Variants in CEP104 observed in about 807,000 individuals in gnomAD.
The protein encoded by CEP104 is centrosomal protein 104, also known as centrosomal protein of 104 kDa.
CEP104 carries 84 observed loss-of-function variants against 113.3 expected under a neutral mutation model. The ratio of observed to expected loss-of-function variants is 0.74; its 90% confidence interval spans 0.62 to 0.89. CEP104 has a LOEUF of 0.89. Among genes scored for constraint, CEP104 ranks in the 40% least tolerant of loss-of-function variants. The probability of loss-of-function intolerance (pLI) is 0.00; values close to 1 mark genes in which losing one functional copy is unlikely to be tolerated. For synonymous variants in CEP104, 378 were observed against 421.7 expected (o/e 0.90, Z 1.27); for missense variants, 1,053 against 1,156.6 (o/e 0.91, Z 1.30).
intron 9 of CEP104, 118 bp downstream of exon 9, chr1:3,837,174 G>A (rs1397760987): frequency 2.6e-5 from 20 of 760,130 alleles, no homozygotes; most frequent in Non-Finnish European, 4.0e-5. Context: ...TGGAACAGAG[G>A]TGGGTCTGGC....
In CEP104 at chr1:3,815,207, G is replaced by C. The variant is rs916584744; in HGVS notation, c.*195C>G. 4.1e-5 allele frequency: 24 copies of C among 586,640 alleles called. No individual in the cohort carries two copies. The highest frequency in any genetic ancestry group is 6.4e-5 in the Non-Finnish European group (21 of 326,676). 36.3% of individuals were successfully genotyped at this position (586,640 alleles called of 1,614,324 possible). ...CGGCCAGGTCCTGGCACTGCACGCA[G>C]GATCTTTGGTTAGCTGCATCCATAT... On this transcript the variant is annotated 3_prime_UTR_variant, in exon 22 of 22. Transcript: ENST00000378230.
At chr1:3,836,405 C>CCTTTATGTGTAAGTACACAGAG (rs1313065002) in intron 10 of CEP104, 90 bp downstream of exon 10, 2 of 1,361,148 alleles carry the variant, frequency 1.5e-6, no homozygotes, top group Non-Finnish European at 2.0e-6. Context: ...CGTTTTCCCT[C>CCTTTATGTGTAAGTACACAGAG]CTTTATGTGT....
chr1:3,816,800 T>C (rs1240755454), intron 20 of CEP104, among the ~76,000 whole-genome samples: 2 of 152,248 alleles, frequency 1.3e-5, no homozygotes, highest in Admixed American at 6.5e-5. Flanking sequence ...GTTCCCACTC[T>C]CTTCATCCCT....
intron 6 of CEP104, among the ~76,000 whole-genome samples, chr1:3,842,835 T>C (rs1644437353): frequency 6.6e-6 from 1 of 152,218 alleles, no homozygotes; most frequent in African/African-American, 2.4e-5. Context: ...TCCCCCAGAC[T>C]GTAGTGCAGT....
intron 4 of CEP104, 43 bp from the exon 5 acceptor site, chr1:3,845,394 G>T: frequency 7.3e-7 from 1 of 1,362,156 alleles, no homozygotes; most frequent in Non-Finnish European, 1.0e-6. Flanking sequence ...TACAATGTTT[G>T]AAATGACTTA....
rs187875011 is a variant in CEP104 at position 3,813,991 on chromosome 1, A to C, written c.*1411T>G. 3 of 152,320 alleles carry C rather than the reference A, an allele frequency of 2.0e-5. No homozygotes were observed. The highest frequency in any genetic ancestry group is 2.4e-5 in the African/African-American group (1 of 41,570). The allele number at this position is 152,320 out of a possible 1,614,324, so 9.4% of individuals were successfully genotyped here. A position where few individuals can be genotyped will look rare whatever the true frequency, so the allele number is the denominator to read the frequency against. On this transcript the variant is annotated 3_prime_UTR_variant, in exon 22 of 22. Coordinates refer to ENST00000378230, the MANE Select transcript of CEP104 (RefSeq NM_014704.4). Reference sequence around the variant, plus strand: ...TAATTCATGCAAATTTATGGTTATTAATGTATCCAGGCCAGGGAGTACATT... The same window carrying C: ...TAATTCATGCAAATTTATGGTTATTCATGTATCCAGGCCAGGGAGTACATT...
chr1:3,852,145 AAG>A, intron 2 of CEP104, 148 bp downstream of exon 2: 1 of 648,736 alleles, frequency 1.5e-6, no homozygotes, highest in South Asian at 2.5e-5. Flanking sequence ...TATAAACAGA[AAG>A]AGATGCCTGA....
intron 6 of CEP104, among the ~76,000 whole-genome samples, chr1:3,840,684 G>A (rs1024553820): frequency 7.2e-5 from 11 of 152,114 alleles, no homozygotes; most frequent in Non-Finnish European, 1.6e-4. Flanking sequence ...GAGTACAGGC[G>A]TGAGCCAGCA....
intron 20 of CEP104, among the ~76,000 whole-genome samples, chr1:3,821,065 G>A (rs987076293): frequency 7.2e-5 from 11 of 152,332 alleles, no homozygotes; most frequent in African/African-American, 2.6e-4. Context: ...CAGCCACAGC[G>A]AACTACCCAG....
At position 3,844,932 on chromosome 1, in the gene CEP104, G is replaced by A. The variant is rs1644480467; in HGVS notation, c.541C>T (p.Pro181Ser). The part of the protein sequence containing the change: ...DHYLGHNSED[P>S]ALEGTYARKS... ...CTGGCGTACGTTCCTTCTAGAGCAG[G>A]GTCCTCGCTGTTGTGCCCAAGGTAG... Residue 181 changes from proline (P) to serine (S), a missense_variant, in exon 6 of 22, where the codon CCT becomes TCT. Transcript: ENST00000378230. 4 of 1,614,038 alleles carry A rather than the reference G, an allele frequency of 2.5e-6. No individual in the cohort carries two copies. In the South Asian group the frequency reaches 4.4e-5, roughly 18 times the overall value.
chr1:3,822,988 CAT>C (rs1644008338), intron 20 of CEP104, 184 bp downstream of exon 20: 4 of 633,200 alleles, frequency 6.3e-6, no homozygotes, highest in South Asian at 6.0e-5. Flanking sequence ...GGAAGGAAAT[CAT>C]GTGAACACGT....
chr1:3,820,507 G>A (rs560132677), intron 20 of CEP104, among the ~76,000 whole-genome samples: 65 of 152,386 alleles, frequency 4.3e-4, no homozygotes, highest in African/African-American at 1.5e-3. Flanking sequence ...CTCTGTCTGG[G>A]GTGGAGGAAG....
rs1643810271 is a variant in CEP104 at position 3,812,341 on chromosome 1, G to T, written c.*3061C>A. 1.3e-5 allele frequency: 2 copies of T among 151,996 alleles called. No individual in the cohort carries two copies. The highest frequency in any genetic ancestry group is 4.1e-4 in the South Asian group (2 of 4,826). The allele number at this position is 151,996 out of a possible 1,614,324, so 9.4% of individuals were successfully genotyped here. A position where few individuals can be genotyped will look rare whatever the true frequency, so the allele number is the denominator to read the frequency against. ...AATATCTTAACATATGAAAATAATA[G>T]AAATAAATATTAAATATTCAGAACA... On this transcript the variant is annotated 3_prime_UTR_variant, in exon 22 of 22. Coordinates refer to ENST00000378230, the MANE Select transcript of CEP104 (RefSeq NM_014704.4).
intron 12 of CEP104, 142 bp from the exon 13 acceptor site, chr1:3,831,364 C>T: frequency 3.2e-6 from 2 of 626,796 alleles, no homozygotes; most frequent in East Asian, 2.7e-5. Flanking sequence ...AATGAGAGCA[C>T]TGATCCGTAA....
At position 3,815,482 on chromosome 1, in the gene CEP104, CCAAGGGGCCTGATGCGGCCA is replaced by C; in HGVS notation, c.2678_2697del (p.Val893GlyfsTer89). 6.2e-7 allele frequency: 1 copy of C among 1,612,090 alleles called. No homozygotes were observed. Among genetic ancestry groups the C allele is most frequent in the Non-Finnish European group, 8.5e-7 (1 of 1,179,294 alleles). ...GGGATCTTGCTTCCGGCCTTTGACCCCAAGGGGCCTGATGCGGCCACAGCTGAGCTTTTCCCTGCAGAGCA... is the reference window on the plus strand; with the variant it reads ...GGGATCTTGCTTCCGGCCTTTGACCCCAGCTGAGCTTTTCCCTGCAGAGCA... On this transcript the variant is annotated frameshift_variant, in exon 22 of 22. Transcript: ENST00000378230. LOFTEE classifies it high-confidence loss of function.
intron 3 of CEP104, chr1:3,847,832 T>TTTGTTG: frequency 3.8e-6 from 2 of 530,788 alleles, no homozygotes; most frequent in Middle Eastern, 5.1e-4. Context: ...GTATTCTTCT[T>TTTGTTG]TTGTTGTTGT....
At chr1:3,832,236 G>T (rs1009087525) in intron 12 of CEP104, among the ~76,000 whole-genome samples, 37 of 151,458 alleles carry the variant, frequency 2.4e-4, no homozygotes, top group African/African-American at 8.0e-4. Context: ...AGCACATTAG[G>T]TCGTAACCAG....
chr1:3,817,264 C>T (rs914580856), intron 20 of CEP104, among the ~76,000 whole-genome samples: 1 of 152,158 alleles, frequency 6.6e-6, no homozygotes, highest in South Asian at 2.1e-4. Context: ...ATTGCTTGAA[C>T]GTGAGAGGCG....
At chr1:3,852,553 T>C (rs1644633608) in intron 1 of CEP104, 132 bp from the exon 2 acceptor site, 1 of 794,516 alleles carries the variant, frequency 1.3e-6, no homozygotes, top group Non-Finnish European at 1.9e-6. Flanking sequence ...CCCATCTCTT[T>C]GAAAAGAGTC....
Sources: allele counts gnomAD v4.1 joint callset (sites outside exome capture counted in the v4.1 genomes callset), GRCh38; gene constraint gnomAD v4.1.1; transcripts MANE v1.5; gene names NCBI Gene and HGNC (gene_info 2026-07-23, HGNC 2026-07-21).